Variants in LAMA2 observed in about 807,000 individuals in gnomAD.
LAMA2 encodes the protein laminin subunit alpha-2.
LAMA2 carries 269 observed loss-of-function variants against 364.8 expected under a neutral mutation model. The observed-to-expected ratio is 0.74, with a 90% CI of 0.67 to 0.82. LAMA2 has a LOEUF of 0.82. Ranked by LOEUF, LAMA2 falls within the 40% of genes least tolerant of loss-of-function variation. The probability of loss-of-function intolerance (pLI) is 0.00; values close to 1 mark genes in which losing one functional copy is unlikely to be tolerated. For synonymous variants in LAMA2, 1,379 were observed against 1,370.6 expected (o/e 1.01, Z -0.14); for missense variants, 3,807 against 3,873.2 (o/e 0.98, Z 0.45).
chr6:129,376,620 G>A (rs1421184320), intron 34 of LAMA2, among the ~76,000 whole-genome samples: 1 of 152,036 alleles, frequency 6.6e-6, no homozygotes. Context: ...CTGTCCCCCA[G>A]CCACTTTGTC....
At chr6:129,138,655 A>G (rs563130170) in intron 4 of LAMA2, among the ~76,000 whole-genome samples, 48 of 152,142 alleles carry the variant, frequency 3.2e-4, no homozygotes, top group Non-Finnish European at 5.1e-4. Flanking sequence ...AAATATTTCA[A>G]TATTCCATTG....
chr6:129,328,404 A>G lies in LAMA2; in HGVS notation c.4303A>G (p.Ile1435Val). ...HSSLCDPETSICQNCQHHTAG... is the reference protein window; with the variant it reads ...HSSLCDPETSVCQNCQHHTAG... ...CAGCCTGTGTGACCCTGAAACATCGATATGCCAGGTAGTCCTCTGAGCCTT... is the reference window on the plus strand; with the variant it reads ...CAGCCTGTGTGACCCTGAAACATCGGTATGCCAGGTAGTCCTCTGAGCCTT... The change falls in exon 29 of 65, where the codon ATA becomes GTA. Residue 1435 changes from isoleucine (I) to valine (V), a missense_variant. Around this residue, in one of 3 missense-constraint regions of LAMA2, gnomAD observed 3,333 missense variants for 3,345.7 expected, o/e 1.00. Coordinates refer to ENST00000421865, the MANE Select transcript of LAMA2 (RefSeq NM_000426.4). 6.2e-7 allele frequency: 1 copy of G among 1,614,150 alleles called. No homozygotes were observed. Among genetic ancestry groups the G allele is most frequent in the Non-Finnish European group, 8.5e-7 (1 of 1,180,016 alleles).
intron 29 of LAMA2, among the ~76,000 whole-genome samples, chr6:129,330,064 C>G (rs534789394): frequency 6.6e-6 from 1 of 151,702 alleles, no homozygotes; most frequent in Admixed American, 6.6e-5. Context: ...CTGTCACTGT[C>G]TCCCATCACC....
At chr6:128,888,297 T>C (rs1196382667) in intron 1 of LAMA2, among the ~76,000 whole-genome samples, 1 of 152,168 alleles carries the variant, frequency 6.6e-6, no homozygotes, top group African/African-American at 2.4e-5. Flanking sequence ...CTATATGCAT[T>C]GGAATGTGGT....
intron 9 of LAMA2, among the ~76,000 whole-genome samples, chr6:129,175,685 C>T (rs1780538155): frequency 6.6e-6 from 1 of 152,062 alleles, no homozygotes; most frequent in Non-Finnish European, 1.5e-5. Context: ...ATGCCAGGGC[C>T]TGTCAGTGGG....
chr6:129,186,173 T>A (rs1180926672), intron 10 of LAMA2, among the ~76,000 whole-genome samples: 1 of 151,622 alleles, frequency 6.6e-6, no homozygotes, highest in African/African-American at 2.4e-5. Context: ...TTTATTAAAT[T>A]ATGTTTTTGC....
intron 1 of LAMA2, among the ~76,000 whole-genome samples, chr6:129,049,017 G>A (rs1366621725): frequency 1.3e-5 from 2 of 152,118 alleles, no homozygotes; most frequent in African/African-American, 4.8e-5. Flanking sequence ...CATAAATAGA[G>A]TCAAATTATC....
intron 14 of LAMA2, among the ~76,000 whole-genome samples, chr6:129,255,595 A>G (rs1014694334): frequency 6.6e-6 from 1 of 152,090 alleles, no homozygotes; most frequent in Non-Finnish European, 1.5e-5. Context: ...TCATCACGAT[A>G]TAACTCATGA....
At chr6:129,394,982 C>T (rs1202433013) in intron 37 of LAMA2, among the ~76,000 whole-genome samples, 1 of 152,082 alleles carries the variant, frequency 6.6e-6, no homozygotes, top group Non-Finnish European at 1.5e-5. Context: ...CTAACTGAAT[C>T]AATATGAATA....
In LAMA2 at chr6:129,177,718, G is replaced by A. The variant is rs776467218; in HGVS notation, c.1319G>A (p.Gly440Glu). The A allele has an allele frequency of 1.2e-6, 2 of 1,613,908 alleles. No individual in the cohort carries two copies. Among genetic ancestry groups the A allele is most frequent in the South Asian group, 2.2e-5 (2 of 91,062 alleles). ...EKHARRGLAP[G>E]SCHCKTGFGG... is the part of the protein sequence containing the mutation. The stretch of plus-strand genomic sequence containing the variant: ...CATCTTTCTTTAGGTTTGGCACCTG[G>A]ATCCTGTCATTGCAAAACTGGTTTT... Residue 440 changes from glycine to glutamate, a missense_variant, in exon 10 of 65, where the codon GGA (glycine) becomes GAA (glutamate). By Grantham distance (98) the Gly-to-Glu change is moderately conservative. Coordinates refer to ENST00000421865, the MANE Select transcript of LAMA2 (RefSeq NM_000426.4).
intron 1 of LAMA2, among the ~76,000 whole-genome samples, chr6:128,906,656 C>A (rs369235713): frequency 0.13 from 19,415 of 151,412 alleles, 1,493 homozygotes; most frequent in African/African-American, 0.23. Context: ...CCCATTTGTC[C>A]ATTTTGGCTT....
At chr6:129,295,737 G>C (rs1773131664) in intron 20 of LAMA2, among the ~76,000 whole-genome samples, 1 of 151,582 alleles carries the variant, frequency 6.6e-6, no homozygotes, top group Non-Finnish European at 1.5e-5. Flanking sequence ...CCTTTAATGA[G>C]TAAATCAATA....
chr6:129,290,350 G>A (rs956804553), intron 19 of LAMA2, among the ~76,000 whole-genome samples: 1 of 152,116 alleles, frequency 6.6e-6, no homozygotes, highest in African/African-American at 2.4e-5. Flanking sequence ...TTGTATTTCA[G>A]CTATAGACTA....
intron 1 of LAMA2, among the ~76,000 whole-genome samples, chr6:128,969,835 T>C (rs1010646359): frequency 9.9e-5 from 15 of 152,184 alleles, no homozygotes; most frequent in Admixed American, 5.9e-4. Context: ...CTACATACTT[T>C]AGGAACAACT....
intron 43 of LAMA2, among the ~76,000 whole-genome samples, chr6:129,442,590 G>A (rs1403136063): frequency 6.6e-6 from 1 of 152,084 alleles, no homozygotes; most frequent in Non-Finnish European, 1.5e-5. Flanking sequence ...CCTGTGTCAT[G>A]GGGGTTTGTT....
At chr6:129,468,723 T>A (rs1783664610) in intron 51 of LAMA2, among the ~76,000 whole-genome samples, 1 of 151,966 alleles carries the variant, frequency 6.6e-6, no homozygotes, top group South Asian at 2.1e-4. Context: ...ATAACCTTAC[T>A]ACCTGCTTTG....
intron 1 of LAMA2, among the ~76,000 whole-genome samples, chr6:128,897,215 A>G (rs902943744): frequency 5.9e-5 from 9 of 152,220 alleles, no homozygotes. Flanking sequence ...CATACTTCAG[A>G]GGTGATTTTA....
intron 4 of LAMA2, among the ~76,000 whole-genome samples, chr6:129,120,125 A>T (rs1051690004): frequency 2.0e-5 from 3 of 152,264 alleles, no homozygotes; most frequent in African/African-American, 4.8e-5. Context: ...TTGCCAGAGC[A>T]GATTTCAAGA....
chr6:129,132,010 C>T (rs377212575), intron 4 of LAMA2, among the ~76,000 whole-genome samples: 1 of 152,092 alleles, frequency 6.6e-6, no homozygotes, highest in Non-Finnish European at 1.5e-5. Flanking sequence ...TCTACAATCT[C>T]CTCTTCCTAC....
Sources: gnomAD v4.1 joint callset for allele counts (sites outside exome capture counted in the v4.1 genomes callset) on GRCh38, gnomAD v4.1.1 for gene constraint, gnomAD v4.1.1 regional missense constraint, MANE v1.5 for transcripts, NCBI Gene and HGNC (gene_info 2026-07-23, HGNC 2026-07-21) for gene names.